Variants in ADAMTS12 observed in about 807,000 individuals in gnomAD.
ADAMTS12 encodes ADAM metallopeptidase with thrombospondin type 1 motif 12, also known as A disintegrin and metalloproteinase with thrombospondin motifs 12.
ADAMTS12 carries 118 observed loss-of-function variants against 167.8 expected under a neutral mutation model. The ratio of observed to expected loss-of-function variants is 0.70; its 90% CI spans 0.61 to 0.82. The LOEUF is 0.82. Ranked by LOEUF, ADAMTS12 falls within the 40% of genes least tolerant of loss-of-function variation. The probability of loss-of-function intolerance (pLI) is 0.00; values close to 1 mark genes in which losing one functional copy is unlikely to be tolerated. For synonymous variants in ADAMTS12, 704 were observed against 716.9 expected, an observed-to-expected ratio of 0.98 and a Z score of 0.29; for missense variants, 1,916 against 1,998.8, an observed-to-expected ratio of 0.96 and a Z score of 0.79.
At chr5:33,825,165 T>C (rs1311709237) in intron 2 of ADAMTS12, among the ~76,000 whole-genome samples, 2 of 152,176 alleles carry the variant, frequency 1.3e-5, no homozygotes, top group African/African-American at 4.8e-5. Flanking sequence ...AGATCCAGTT[T>C]GCAAAATCAT....
At chr5:33,789,743 T>C (rs1746456271) in intron 2 of ADAMTS12, among the ~76,000 whole-genome samples, 1 of 152,204 alleles carries the variant, frequency 6.6e-6, no homozygotes, top group Non-Finnish European at 1.5e-5. Flanking sequence ...AATTACTTAG[T>C]GTCCCTGACA....
intron 3 of ADAMTS12, among the ~76,000 whole-genome samples, chr5:33,702,200 A>G (rs1021454010): frequency 6.6e-6 from 1 of 152,358 alleles, no homozygotes; most frequent in East Asian, 1.9e-4. Context: ...CTTTTACAAA[A>G]GAGAGGAAAT....
At chr5:33,886,144 G>C (rs750981749) in intron 1 of ADAMTS12, among the ~76,000 whole-genome samples, 7 of 152,162 alleles carry the variant, frequency 4.6e-5, no homozygotes, top group Non-Finnish European at 1.0e-4. Flanking sequence ...AAAGTATAAA[G>C]TGAAAGACTA....
At chr5:33,577,707 A>G (rs185018638) in intron 18 of ADAMTS12, among the ~76,000 whole-genome samples, 12 of 152,220 alleles carry the variant, frequency 7.9e-5, no homozygotes, top group Admixed American at 3.9e-4. Context: ...AAGCTAGATA[A>G]TCACCATACT....
At chr5:33,855,326 A>G (rs1026709785) in intron 2 of ADAMTS12, among the ~76,000 whole-genome samples, 7 of 152,252 alleles carry the variant, frequency 4.6e-5, no homozygotes, top group Admixed American at 1.3e-4. Context: ...AAACAGAGAG[A>G]ATGCTTAATC....
At chr5:33,544,390 T>C (rs1744858942) in intron 22 of ADAMTS12, among the ~76,000 whole-genome samples, 1 of 151,796 alleles carries the variant, frequency 6.6e-6, no homozygotes, top group Non-Finnish European at 1.5e-5. Context: ...GAACATTCCA[T>C]ACTCATGGAT....
At chr5:33,751,133 T>C in intron 3 of ADAMTS12, 1 of 497,338 alleles carries the variant, frequency 2.0e-6, no homozygotes, top group Non-Finnish European at 3.5e-6. Flanking sequence ...ATGAGCATCA[T>C]CAATTAATGT....
At position 33,736,299 on chromosome 5, in the gene ADAMTS12, T is replaced by C. The variant is rs1180484707; in HGVS notation, c.634+15105A>G. On this transcript the variant is annotated intron_variant, in intron 3 of 23. Coordinates refer to ENST00000504830, the MANE Select transcript of ADAMTS12 (RefSeq NM_030955.4). ...GCTGGTCTCGAACTCCTGACCTCAG[T>C]TGATCCACCTGGCTTGGCCTCCCAA... is the stretch of plus-strand genomic sequence containing the variant. Among the ~76,000 whole-genome samples the C allele has an allele frequency of 5.3e-5, 8 of 152,088 alleles. No individual in the cohort carries two copies. The South Asian group carries it at 1.7e-3, about 32-fold the overall frequency.
rs116297457 is a variant in ADAMTS12, at chr5:33,870,473, C to T, written c.489+10646G>A. Among the ~76,000 whole-genome samples, 824 of 152,328 alleles carry T rather than the reference C, an allele frequency of 5.4e-3. 7 individuals carry two copies. Among genetic ancestry groups the T allele is most frequent in the Middle Eastern group, 0.017 (5 of 294 alleles). ...TTATGTTCTTCTGTCATGGCTTCAG[C>T]AGGTCCCTCTGTTTGGGGTCCCTGA... is the stretch of plus-strand genomic sequence containing the variant. On this transcript the variant is annotated intron_variant, in intron 2 of 23. Transcript: ENST00000504830.
intron 12 of ADAMTS12, among the ~76,000 whole-genome samples, chr5:33,632,592 T>A (rs1739997986): frequency 6.6e-6 from 1 of 152,066 alleles, no homozygotes; most frequent in African/African-American, 2.4e-5. Context: ...TGACTTGGGA[T>A]TATTGTGTAG....
chr5:33,559,978 G>T (rs1375378641), intron 20 of ADAMTS12, among the ~76,000 whole-genome samples: 2 of 152,152 alleles, frequency 1.3e-5, no homozygotes, highest in African/African-American at 4.8e-5. Flanking sequence ...TTCATTTTGG[G>T]TCTGGAAGAT....
intron 2 of ADAMTS12, among the ~76,000 whole-genome samples, chr5:33,852,423 C>T (rs72741496): frequency 0.023 from 3,504 of 152,014 alleles, 71 homozygotes; most frequent in African/African-American, 0.053. Flanking sequence ...AGAAATCAAA[C>T]GGGAAAAAAC....
chr5:33,697,372 C>T (rs892220898), intron 3 of ADAMTS12, among the ~76,000 whole-genome samples: 13 of 152,264 alleles, frequency 8.5e-5, no homozygotes, highest in African/African-American at 2.4e-4. Context: ...TCAAGGTAAA[C>T]TGAATTCAGT....
At chr5:33,820,436 G>A (rs1747826820) in intron 2 of ADAMTS12, among the ~76,000 whole-genome samples, 1 of 152,086 alleles carries the variant, frequency 6.6e-6, no homozygotes, top group Non-Finnish European at 1.5e-5. Context: ...ACTTTATACA[G>A]ATCTTTTAAC....
rs557252176 is a variant in ADAMTS12, at chr5:33,853,963, T to A, written c.489+27156A>T. 8.5e-5 allele frequency among the ~76,000 whole-genome samples: 13 copies of A among 152,342 alleles called. No homozygotes were observed. The East Asian group carries it at 2.5e-3, about 29-fold the overall frequency. On this transcript the variant is annotated intron_variant, in intron 2 of 23. Coordinates refer to ENST00000504830, the MANE Select transcript of ADAMTS12 (RefSeq NM_030955.4). ...ACAGCTCTAAAGAGGCAAAGTCTTG[T>A]CTAAAGTAACACAGTGCATAGTCGA... is the stretch of plus-strand genomic sequence containing the variant.
intron 3 of ADAMTS12, among the ~76,000 whole-genome samples, chr5:33,727,386 A>G (rs1744021899): frequency 6.6e-6 from 1 of 152,170 alleles, no homozygotes; most frequent in Admixed American, 6.5e-5. Flanking sequence ...TGCCTCTCCG[A>G]TAGGAGGAAG....
At chr5:33,722,260 T>C (rs1194719468) in intron 3 of ADAMTS12, among the ~76,000 whole-genome samples, 2 of 152,230 alleles carry the variant, frequency 1.3e-5, no homozygotes, top group South Asian at 2.1e-4. Context: ...CACAGTGATA[T>C]AGATCTTTCC....
intron 20 of ADAMTS12, among the ~76,000 whole-genome samples, chr5:33,557,188 A>C (rs1561123802): frequency 6.6e-6 from 1 of 152,218 alleles, no homozygotes; most frequent in African/African-American, 2.4e-5. Flanking sequence ...TGAGGCTGCA[A>C]CATACCCTGT....
intron 19 of ADAMTS12, among the ~76,000 whole-genome samples, chr5:33,564,891 G>C (rs555389266): frequency 6.6e-6 from 1 of 152,304 alleles, no homozygotes; most frequent in Non-Finnish European, 1.5e-5. Flanking sequence ...ACATAAAGAG[G>C]AGAGGACAGG....
Sources: gnomAD v4.1 joint callset for allele counts (sites outside exome capture counted in the v4.1 genomes callset) on GRCh38, gnomAD v4.1.1 for gene constraint, MANE v1.5 for transcripts, NCBI Gene and HGNC (gene_info 2026-07-23, HGNC 2026-07-21) for gene names.